Variants in MGAM observed in about 807,000 individuals in gnomAD.
The protein encoded by MGAM is alpha-1,4-glucosidase.
In MGAM, 253 loss-of-function variants were observed where a neutral mutation model predicts 358.8. The observed-to-expected ratio is 0.71, with a 90% confidence interval of 0.64 to 0.78. The LOEUF (loss-of-function observed/expected upper bound fraction) is 0.78. MGAM is among the 30% of genes least tolerant of loss of function. The pLI is 0.00. For synonymous variants in MGAM, 1,105 were observed against 1,227.1 expected, an observed-to-expected ratio of 0.90 and a Z score of 2.08; for missense variants, 3,080 against 3,432.6, an observed-to-expected ratio of 0.90 and a Z score of 2.57.
At chr7:142,063,222 A>G (rs1427368481) in intron 35 of MGAM, among the ~76,000 whole-genome samples, 1 of 151,582 alleles carries the variant, frequency 6.6e-6, no homozygotes, top group Non-Finnish European at 1.5e-5. Flanking sequence ...AAACCAAAAA[A>G]AAAACCTGGG....
At chr7:142,042,714 A>C (rs1195139306) in intron 21 of MGAM, among the ~76,000 whole-genome samples, 1 of 67,598 alleles carries the variant, frequency 1.5e-5, no homozygotes, top group Non-Finnish European at 2.4e-5. Flanking sequence ...TATATAATAT[A>C]TTACATATAT....
At chr7:142,021,799 T>C in intron 6 of MGAM, 62 bp downstream of exon 6, 1 of 1,537,288 alleles carries the variant, frequency 6.5e-7, no homozygotes, top group Non-Finnish European at 9.0e-7. Context: ...TCTGTAAGCA[T>C]GAAGAAGGGG....
intron 58 of MGAM, 45 bp from the exon 59 acceptor site, chr7:142,092,476 T>C: frequency 6.9e-7 from 1 of 1,459,190 alleles, no homozygotes; most frequent in Non-Finnish European, 9.4e-7. Context: ...TGGCAGGACG[T>C]AATTATCTTA....
chr7:142,093,802 C>G (rs1442365666), intron 60 of MGAM, among the ~76,000 whole-genome samples: 1 of 146,128 alleles, frequency 6.8e-6, no homozygotes, highest in Non-Finnish European at 1.6e-5. Context: ...GGGAAAGACT[C>G]ACATGGAGAC....
At chr7:142,023,171 G>A (rs764785870) in intron 7 of MGAM, among the ~76,000 whole-genome samples, 80 of 152,042 alleles carry the variant, frequency 5.3e-4, no homozygotes, top group Non-Finnish European at 9.1e-4. Flanking sequence ...GGTAACCCTC[G>A]TACCTCAGTG....
At chr7:142,082,261 T>C (rs1814375544) in intron 51 of MGAM, 51 bp downstream of exon 51, 1 of 1,521,730 alleles carries the variant, frequency 6.6e-7, no homozygotes, top group East Asian at 2.3e-5. Flanking sequence ...CCACCCACAC[T>C]GCTCAGGCTT....
chr7:142,043,903 C>A (rs1268990564), intron 21 of MGAM, among the ~76,000 whole-genome samples: 2 of 116,960 alleles, frequency 1.7e-5, no homozygotes, highest in Non-Finnish European at 3.4e-5. Context: ...ACATTATATA[C>A]ACATACGACG....
intron 4 of MGAM, among the ~76,000 whole-genome samples, chr7:142,020,587 A>G (rs1280728368): frequency 3.3e-5 from 4 of 122,446 alleles, no homozygotes; most frequent in African/African-American, 1.4e-4. Flanking sequence ...ATGTATCCTA[A>G]TATATATATA....
intron 4 of MGAM, among the ~76,000 whole-genome samples, 184 bp downstream of exon 4, chr7:142,019,503 C>T (rs1224719996): frequency 6.6e-6 from 1 of 152,188 alleles, no homozygotes; most frequent in Non-Finnish European, 1.5e-5. Flanking sequence ...TTATTCTCTG[C>T]CTTGGGAGTT....
chr7:142,105,849 C>T lies in MGAM; in HGVS notation c.8220C>T (p.Ser2740=), dbSNP rs772371538. The stretch of plus-strand genomic sequence containing the variant: ...TCGATGTGACTGACAGAAACATCAG[C>T]CTACATAATTTTACTTCATTGACGT... The part of the protein sequence containing the change: ...LSIDVTDRNI[S]LHNFTSLTWI... The change falls in exon 71 of 71, where the codon AGC becomes AGT. Residue 2740 remains serine, a synonymous_variant. Transcript: ENST00000475668. 1.5e-5 allele frequency: 25 copies of T among 1,613,344 alleles called. No homozygotes were observed. The highest frequency in any genetic ancestry group is 2.1e-5 in the Non-Finnish European group (25 of 1,179,480).
chr7:141,987,052 G>A (rs1427813722), intron 2 of MGAM, among the ~76,000 whole-genome samples: 5 of 152,270 alleles, frequency 3.3e-5, no homozygotes, highest in African/African-American at 1.2e-4. Flanking sequence ...GGACAATGGA[G>A]ACGAAACACG....
At chr7:142,067,972 ATATATATATATATATTTTTTTTT>A (rs1812973687) in intron 42 of MGAM, among the ~76,000 whole-genome samples, 1 of 5,102 alleles carries the variant, frequency 2.0e-4, no homozygotes, top group African/African-American at 3.0e-4. Context: ...ATAAATATAT[ATATATATATATATATTTTTTTTT>A]TTTTTTTTTT....
chr7:142,082,810 A>G (rs903928151), intron 52 of MGAM, among the ~76,000 whole-genome samples: 2 of 146,206 alleles, frequency 1.4e-5, no homozygotes, highest in African/African-American at 4.9e-5. Context: ...GTAAAACCAC[A>G]TGGGTCCCAA....
intron 32 of MGAM, 41 bp from the exon 33 acceptor site, chr7:142,059,815 C>G (rs1017595959): frequency 2.5e-5 from 40 of 1,585,302 alleles, no homozygotes; most frequent in South Asian, 6.8e-5. Flanking sequence ...TCCTCATTCT[C>G]TGGCTTTGGT....
intron 24 of MGAM, 40 bp from the exon 25 acceptor site, chr7:142,052,254 C>T (rs1490619001): frequency 6.5e-7 from 1 of 1,540,420 alleles, no homozygotes; most frequent in Non-Finnish European, 8.8e-7. Context: ...AAGCCTGTCT[C>T]CTAAAGATGA....
chr7:142,037,634 A>G (rs1019814901), intron 18 of MGAM, among the ~76,000 whole-genome samples: 2 of 152,214 alleles, frequency 1.3e-5, no homozygotes, highest in African/African-American at 4.8e-5. Context: ...TCTTGTTAAA[A>G]GGCAGATATT....
chr7:141,999,437 A>G (rs1447474758), intron 1 of MGAM, among the ~76,000 whole-genome samples: 3 of 152,204 alleles, frequency 2.0e-5, no homozygotes, highest in African/African-American at 7.2e-5. Flanking sequence ...TGTGGAGTCC[A>G]AAGGGCAGGT....
intron 2 of MGAM, among the ~76,000 whole-genome samples, chr7:141,989,146 G>GAGAGAGAA (rs1803829647): frequency 6.6e-6 from 1 of 151,892 alleles, no homozygotes; most frequent in Non-Finnish European, 1.5e-5. Context: ...GAGAGAGAGA[G>GAGAGAGAA]AGAGAGAAAG....
chr7:142,067,982 A>AT (rs71166556), intron 42 of MGAM, among the ~76,000 whole-genome samples: 5 of 5,114 alleles, frequency 9.8e-4, no homozygotes, highest in African/African-American at 1.2e-3. Flanking sequence ...ATATATATAT[A>AT]TATATTTTTT....
Sources: gnomAD v4.1 joint callset for allele counts (sites outside exome capture counted in the v4.1 genomes callset) on GRCh38, gnomAD v4.1.1 for gene constraint, MANE v1.5 for transcripts, NCBI Gene and HGNC (gene_info 2026-07-23, HGNC 2026-07-21) for gene names.